Variants in AKAP13 observed in about 807,000 individuals in gnomAD.
AKAP13 encodes the protein A-kinase anchor protein 13.
Under a neutral mutation model 264.5 loss-of-function variants are expected in AKAP13, and 80 were observed. The observed-to-expected ratio is 0.30, with a 90% CI of 0.25 to 0.36. AKAP13 has a LOEUF of 0.36. Among genes scored for constraint, AKAP13 ranks in the 10% least tolerant of loss-of-function variants. The pLI is 1.00. For missense variants in AKAP13, 3,712 were observed against 3,435.2 expected, an observed-to-expected ratio of 1.08 and a Z score of -2.01; for synonymous variants, 1,380 against 1,250.2, an observed-to-expected ratio of 1.10 and a Z score of -2.19.
At chr15:85,702,099 G>T (rs2085950269) in intron 17 of AKAP13, 1 of 152,088 alleles carries the variant, frequency 6.6e-6, no homozygotes, top group Non-Finnish European at 1.5e-5. Flanking sequence ...CAAAAAATTA[G>T]CTGGGCATGA....
At chr15:85,537,761 G>T (rs567213361) in intron 4 of AKAP13, among the ~76,000 whole-genome samples, 2 of 152,328 alleles carry the variant, frequency 1.3e-5, no homozygotes, top group East Asian at 3.9e-4. Flanking sequence ...TTCCTCATCT[G>T]TGAAATGGGG....
intron 1 of AKAP13, among the ~76,000 whole-genome samples, chr15:85,423,071 C>G (rs772248392): frequency 1.3e-5 from 2 of 152,326 alleles, no homozygotes; most frequent in South Asian, 2.1e-4. Context: ...CTAAAAAATG[C>G]TAACAATCAT....
intron 2 of AKAP13, among the ~76,000 whole-genome samples, chr15:85,501,396 C>T (rs1294740447): frequency 2.0e-5 from 3 of 152,122 alleles, no homozygotes; most frequent in Non-Finnish European, 4.4e-5. Flanking sequence ...TCTCCTTGAC[C>T]GTGAGACAGA....
intron 1 of AKAP13, among the ~76,000 whole-genome samples, chr15:85,381,160 C>T (rs564284207): frequency 1.3e-5 from 2 of 152,182 alleles, no homozygotes; most frequent in South Asian, 2.1e-4. Context: ...AATCCTTGCC[C>T]CGGGTCCCCG....
chr15:85,531,617 T>A (rs1460387276), intron 3 of AKAP13, among the ~76,000 whole-genome samples: 1 of 152,224 alleles, frequency 6.6e-6, no homozygotes, highest in Admixed American at 6.5e-5. Flanking sequence ...TAATTCTCTT[T>A]CATATATTAA....
In AKAP13 at chr15:85,604,114, C is replaced by T. The variant is rs180866124; in HGVS notation, c.4161+18291C>T. 8.1e-4 allele frequency among the ~76,000 whole-genome samples: 123 copies of T among 152,270 alleles called. 1 individual carries two copies. The highest frequency in any genetic ancestry group is 4.1e-4 in the South Asian group (2 of 4,832). ...AGTTTTTTGTTAAGTATTGCTTCAG[C>T]GAGCTCTACATAAGGGGATACAGTA... On this transcript the variant is annotated intron_variant, in intron 8 of 36. Transcript: ENST00000394518.
intron 10 of AKAP13, among the ~76,000 whole-genome samples, chr15:85,650,772 A>C (rs1302393859): frequency 7.0e-6 from 1 of 142,346 alleles, no homozygotes; most frequent in African/African-American, 2.6e-5. Context: ...AAAAAAAAAA[A>C]AAAAAAAAAA....
chr15:85,623,157 A>G (rs970410580), intron 8 of AKAP13, among the ~76,000 whole-genome samples: 4 of 152,226 alleles, frequency 2.6e-5, no homozygotes, highest in Admixed American at 2.6e-4. Flanking sequence ...TCAAGCCGTC[A>G]TGTGCACTTT....
At chr15:85,714,641 G>C (rs1033733738) in intron 19 of AKAP13, among the ~76,000 whole-genome samples, 2 of 152,220 alleles carry the variant, frequency 1.3e-5, no homozygotes, top group Admixed American at 6.5e-5. Context: ...GCTGCTCCCA[G>C]TTATCTCTCA....
chr15:85,422,487 A>G (rs943259118), intron 1 of AKAP13, among the ~76,000 whole-genome samples: 30 of 152,218 alleles, frequency 2.0e-4, no homozygotes, highest in African/African-American at 6.3e-4. Flanking sequence ...CTAATCTTTA[A>G]GGAAGTAATG....
At chr15:85,529,600 C>A (rs896066108) in intron 3 of AKAP13, among the ~76,000 whole-genome samples, 2 of 152,140 alleles carry the variant, frequency 1.3e-5, no homozygotes, top group Admixed American at 1.3e-4. Flanking sequence ...TTAAAAAATG[C>A]TGATTTACCC....
chr15:85,600,077 G>C (rs1269041947), intron 8 of AKAP13, among the ~76,000 whole-genome samples: 2 of 152,088 alleles, frequency 1.3e-5, no homozygotes, highest in African/African-American at 4.8e-5. Flanking sequence ...GCAGGAAGAA[G>C]GGAGGTAGCA....
At chr15:85,548,217 G>A (rs1349192725) in intron 5 of AKAP13, among the ~76,000 whole-genome samples, 1 of 152,126 alleles carries the variant, frequency 6.6e-6, no homozygotes, top group African/African-American at 2.4e-5. Context: ...ACCTAGGTTT[G>A]CATTTTGGCT....
intron 1 of AKAP13, among the ~76,000 whole-genome samples, chr15:85,418,673 G>T (rs2150892019): frequency 6.6e-6 from 1 of 152,322 alleles, no homozygotes; most frequent in East Asian, 1.9e-4. Flanking sequence ...AAGTAGCCTT[G>T]TCATAATGCA....
chr15:85,615,780 C>T (rs1446535611), intron 8 of AKAP13, among the ~76,000 whole-genome samples: 2 of 152,136 alleles, frequency 1.3e-5, no homozygotes, highest in Non-Finnish European at 2.9e-5. Flanking sequence ...CTACCGTATC[C>T]CATGAACTAT....
In AKAP13 at chr15:85,392,402, G is replaced by C. The variant is rs1396826443; in HGVS notation, c.-12+11604G>C. Among the ~76,000 whole-genome samples, 4 of 151,398 alleles carry C rather than the reference G, an allele frequency of 2.6e-5. No individual in the cohort carries two copies. The East Asian group carries it at 7.8e-4, about 30-fold the overall frequency. On this transcript the variant is annotated intron_variant, in intron 1 of 36. Coordinates refer to ENST00000394518, the MANE Select transcript of AKAP13 (RefSeq NM_007200.5). ...CCTGAGTAGCTGGGACTACAGGCGT[G>C]CACCACCACGCCCGGCTAATTTTTG...
intron 17 of AKAP13, chr15:85,701,166 T>G (rs530698558): frequency 7.9e-5 from 12 of 152,220 alleles, no homozygotes; most frequent in Non-Finnish European, 1.5e-4. Flanking sequence ...TAATAGTGTT[T>G]ATAAGTGGAA....
intron 8 of AKAP13, among the ~76,000 whole-genome samples, chr15:85,603,555 G>T (rs1023879723): frequency 1.3e-5 from 2 of 152,104 alleles, no homozygotes; most frequent in Non-Finnish European, 2.9e-5. Context: ...ATAGCTCCTT[G>T]GTTTTTAAAC....
chr15:85,619,728 A>C (rs1198490030), intron 8 of AKAP13: 1 of 1,007,890 alleles, frequency 9.9e-7, no homozygotes, highest in African/African-American at 1.8e-5. Context: ...TTTATTCTTT[A>C]TTTTTTTACT....
Sources: gnomAD v4.1 joint callset for allele counts (sites outside exome capture counted in the v4.1 genomes callset) on GRCh38, gnomAD v4.1.1 for gene constraint, MANE v1.5 for transcripts, NCBI Gene and HGNC (gene_info 2026-07-23, HGNC 2026-07-21) for gene names.